Variants in ERG observed in about 807,000 individuals in gnomAD.
ERG encodes the protein ETS transcription factor ERG.
A neutral mutation model predicts 55.3 loss-of-function variants in ERG; 9 were observed. The observed-to-expected ratio is 0.16, with a 90% CI of 0.10 to 0.28. The LOEUF (loss-of-function observed/expected upper bound fraction) is 0.28. Ranked by LOEUF, ERG falls within the 10% of genes least tolerant of loss-of-function variation. The pLI is 1.00. For missense variants in ERG, 434 were observed against 631.6 expected (o/e 0.69, Z 3.35); for synonymous variants, 223 against 237.3 (o/e 0.94, Z 0.55).
At chr21:38,471,481 C>T (rs2059138847) in intron 1 of ERG, 1 of 152,204 alleles carries the variant, frequency 6.6e-6, no homozygotes. Context: ...GTTCTTGAGA[C>T]CAAAGTCTCA....
At chr21:38,404,242 C>T (rs1011134645) in intron 3 of ERG, among the ~76,000 whole-genome samples, 1 of 152,102 alleles carries the variant, frequency 6.6e-6, no homozygotes, top group Non-Finnish European at 1.5e-5. Flanking sequence ...AATATAGATA[C>T]ACCAAGACTC....
the ERG span, among the ~76,000 whole-genome samples, chr21:38,368,608 C>CT: frequency 1.3e-5 from 2 of 152,108 alleles, no homozygotes; most frequent in South Asian, 4.2e-4. Flanking sequence ...CTGTATCAGA[C>CT]TTTTTTTTAT....
intron 6 of ERG, among the ~76,000 whole-genome samples, chr21:38,398,839 T>C (rs1048893392): frequency 6.6e-6 from 1 of 152,210 alleles, no homozygotes; most frequent in Non-Finnish European, 1.5e-5. Flanking sequence ...CAGTTTATAA[T>C]ACTAGCTCAC....
intron 6 of ERG, among the ~76,000 whole-genome samples, chr21:38,397,596 CAAAAAAAAAAA>C (rs61047146): frequency 1.0e-4 from 7 of 67,164 alleles, no homozygotes; most frequent in South Asian, 6.5e-4. Flanking sequence ...GACTCCATCT[CAAAAAAAAAAA>C]AAAAAAAAAA....
intron 1 of ERG, among the ~76,000 whole-genome samples, chr21:38,610,496 T>A (rs1265991708): frequency 6.6e-6 from 1 of 151,920 alleles, no homozygotes; most frequent in Non-Finnish European, 1.5e-5. Flanking sequence ...TTAGTAAACC[T>A]GATACTAGTA....
chr21:38,548,686 G>A (rs562767661), intron 2 of ERG, among the ~76,000 whole-genome samples: 2 of 142,572 alleles, frequency 1.4e-5, no homozygotes, highest in East Asian at 4.2e-4. Context: ...GGATGGTCTC[G>A]ATCTCCTGAC....
At chr21:38,631,159 C>T (rs762818561) in intron 1 of ERG, among the ~76,000 whole-genome samples, 9 of 152,130 alleles carry the variant, frequency 5.9e-5, no homozygotes, top group Non-Finnish European at 5.9e-5. Context: ...TGACCACACA[C>T]CCTCTTCCAA....
intron 1 of ERG, among the ~76,000 whole-genome samples, chr21:38,638,193 TC>T (rs1453595956): frequency 6.6e-6 from 1 of 152,228 alleles, no homozygotes; most frequent in Admixed American, 6.5e-5. Flanking sequence ...CTTGAGCAAG[TC>T]ACTCCATGAT....
At chr21:38,485,756 C>A (rs1196354708) in intron 1 of ERG, among the ~76,000 whole-genome samples, 2 of 151,628 alleles carry the variant, frequency 1.3e-5, no homozygotes, top group Non-Finnish European at 2.9e-5. Flanking sequence ...CCGCGCCTGG[C>A]CAATATACAG....
chr21:38,601,350 T>C (rs2060163385), intron 1 of ERG, among the ~76,000 whole-genome samples: 1 of 152,140 alleles, frequency 6.6e-6, no homozygotes. Context: ...CAGATCTCTT[T>C]GGTGGCAAAG....
chr21:38,383,455 T>A lies in ERG; in HGVS notation c.1388A>T (p.Asn463Ile). 1 of 1,522,566 alleles carries A rather than the reference T, an allele frequency of 6.6e-7. No homozygotes were observed. Among genetic ancestry groups the A allele is most frequent in the Non-Finnish European group, 8.8e-7 (1 of 1,134,718 alleles). 94.3% of individuals were successfully genotyped at this position (1,522,566 alleles called of 1,614,324 possible). Residue 463 changes from asparagine to isoleucine, a missense_variant, in exon 10 of 10, where the codon AAC becomes ATC. Physicochemically the swap from Asn to Ile is moderately radical, Grantham distance 149. Coordinates refer to ENST00000288319, the MANE Select transcript of ERG (RefSeq NM_182918.4). The surrounding 1 kb of genome is among the most constrained non-coding windows in gnomAD (Gnocchi z 5.7). ...CATATGGCTGGTGGGGAGCCTAGTG[T>A]TGGGGTATATACCCCCAGTTGGTGA... ...WNSPTGGIYPNTRLPTSHMPS... is the reference protein window; with the variant it reads ...WNSPTGGIYPITRLPTSHMPS...
chr21:38,576,618 C>T (rs552352883), intron 1 of ERG, among the ~76,000 whole-genome samples: 2 of 152,336 alleles, frequency 1.3e-5, no homozygotes, highest in South Asian at 2.1e-4. Flanking sequence ...TCTGTGCCCT[C>T]CCCTTCCACC....
intron 3 of ERG, among the ~76,000 whole-genome samples, chr21:38,415,563 C>T (rs1396768084): frequency 2.6e-5 from 4 of 152,030 alleles, no homozygotes; most frequent in Non-Finnish European, 5.9e-5. Flanking sequence ...AAGCATGTCC[C>T]ATCATATCGA....
At chr21:38,536,482 C>T (rs577793485) in intron 2 of ERG, among the ~76,000 whole-genome samples, 13 of 152,266 alleles carry the variant, frequency 8.5e-5, no homozygotes, top group African/African-American at 1.9e-4. Context: ...TCCTCTGGGA[C>T]GTCAGCGTCT....
chr21:38,464,128 C>A (rs1011310607), intron 1 of ERG, among the ~76,000 whole-genome samples: 9 of 152,062 alleles, frequency 5.9e-5, no homozygotes, highest in Admixed American at 4.6e-4. Flanking sequence ...CCTTGGCAAA[C>A]CAAATTAAAT....
At chr21:38,424,349 C>T (rs1238236514) in intron 2 of ERG, among the ~76,000 whole-genome samples, 2 of 152,120 alleles carry the variant, frequency 1.3e-5, no homozygotes, top group Non-Finnish European at 2.9e-5. Flanking sequence ...TATGCAAGCT[C>T]GAGTCCCATT....
chr21:38,424,181 GC>G lies in ERG; in HGVS notation c.237-621del, dbSNP rs1989694001. On this transcript the variant is annotated intron_variant, in intron 2 of 9. Coordinates refer to ENST00000288319, the MANE Select transcript of ERG (RefSeq NM_182918.4). Reference sequence around the variant, plus strand: ...CTTATTAGAAAAGAAAGAGACCAGAGCTCGAGCTCTCTCTCTCTCTCTCTCT... The same window carrying G: ...CTTATTAGAAAAGAAAGAGACCAGAGTCGAGCTCTCTCTCTCTCTCTCTCT... Among the ~76,000 whole-genome samples, 4 of 88,078 alleles carry G rather than the reference GC, an allele frequency of 4.5e-5. No homozygotes were observed. The East Asian group carries it at 2.8e-3, about 62-fold the overall frequency. The allele number at this position is 88,078 out of a possible 152,430, so 57.8% of individuals were successfully genotyped here. A position where few individuals can be genotyped will look rare whatever the true frequency, so the allele number is the denominator to read the frequency against.
intron 1 of ERG, among the ~76,000 whole-genome samples, chr21:38,649,899 G>A (rs1005342821): frequency 1.4e-4 from 21 of 152,224 alleles, no homozygotes; most frequent in Non-Finnish European, 7.3e-5. Context: ...CACCAGAGAC[G>A]TATAATGCTA....
rs559926326 is a variant in ERG at position 38,630,296 on chromosome 21, T to C, written c.-150+31362A>G. On this transcript the variant is annotated intron_variant, in intron 1 of 10. Transcript: ENST00000398910. ...TGTTTTACCACAGTAGATTTCTTGTTAATAATGGTGGCTTAAACCATAGGA... is the reference window on the plus strand; with the variant it reads ...TGTTTTACCACAGTAGATTTCTTGTCAATAATGGTGGCTTAAACCATAGGA... Among the ~76,000 whole-genome samples, 6 of 152,316 alleles carry C rather than the reference T, an allele frequency of 3.9e-5. No individual in the cohort carries two copies. The South Asian group carries it at 1.2e-3, about 32-fold the overall frequency.
Sources: allele counts gnomAD v4.1 joint callset (sites outside exome capture counted in the v4.1 genomes callset), GRCh38; gene constraint gnomAD v4.1.1; non-coding constraint Gnocchi (gnomAD v3.1); transcripts MANE v1.5; gene names NCBI Gene and HGNC (gene_info 2026-07-23, HGNC 2026-07-21).